FARSB: variants seen among roughly 807,000 people sequenced by gnomAD.
FARSB encodes the protein phenylalanine--tRNA ligase beta subunit.
In FARSB, 40 loss-of-function variants were observed where a neutral mutation model predicts 69.6. The observed-to-expected ratio is 0.57, with a 90% CI of 0.45 to 0.75. The LOEUF is 0.75. Among genes scored for constraint, FARSB ranks in the 30% least tolerant of loss-of-function variants. FARSB has a pLI of 0.00. For synonymous variants in FARSB, 235 were observed against 247.2 expected, an observed-to-expected ratio of 0.95 and a Z score of 0.46; for missense variants, 632 against 722.9, an observed-to-expected ratio of 0.87 and a Z score of 1.44.
intron 16 of FARSB, among the ~76,000 whole-genome samples, chr2:222,585,761 A>C (rs185418464): frequency 1.1e-3 from 172 of 151,798 alleles, no homozygotes; most frequent in Non-Finnish European, 1.8e-3. Flanking sequence ...AAGGGGAAGA[A>C]AGGTGACTGA....
At chr2:222,636,385 C>CAAAA (rs34295305) in intron 5 of FARSB, among the ~76,000 whole-genome samples, 5 of 96,676 alleles carry the variant, frequency 5.2e-5, no homozygotes, top group East Asian at 3.8e-4. Flanking sequence ...GACTCTATCT[C>CAAAA]AAAAAAAAAA....
intron 15 of FARSB, among the ~76,000 whole-genome samples, chr2:222,603,031 C>T (rs1289088051): frequency 3.3e-5 from 5 of 151,798 alleles, no homozygotes; most frequent in African/African-American, 7.3e-5. Context: ...TAACAAAACT[C>T]ATTTTTAAAA....
intron 16 of FARSB, among the ~76,000 whole-genome samples, chr2:222,575,029 T>A (rs767562051): frequency 1.1e-4 from 16 of 152,294 alleles, no homozygotes; most frequent in Middle Eastern, 3.4e-3. Flanking sequence ...CAGAAGGGAA[T>A]TGCTTCAAAG....
chr2:222,653,464 C>T (rs1334325541), intron 1 of FARSB, among the ~76,000 whole-genome samples: 1 of 151,806 alleles, frequency 6.6e-6, no homozygotes, highest in Non-Finnish European at 1.5e-5. Context: ...AAGATGTATC[C>T]ATACTACTTG....
At chr2:222,616,478 C>T (rs1363569788) in intron 14 of FARSB, among the ~76,000 whole-genome samples, 1 of 130,024 alleles carries the variant, frequency 7.7e-6, no homozygotes, top group African/African-American at 3.0e-5. Context: ...ACCCAGAAGG[C>T]GGAAGTTGCA....
chr2:222,613,599 C>T (rs536597378), intron 15 of FARSB, among the ~76,000 whole-genome samples: 1 of 152,184 alleles, frequency 6.6e-6, no homozygotes, highest in Non-Finnish European at 1.5e-5. Context: ...TGAAATGATA[C>T]AATGTCTATG....
intron 16 of FARSB, among the ~76,000 whole-genome samples, chr2:222,595,849 CTT>C (rs1163896068): frequency 6.6e-6 from 1 of 151,436 alleles, no homozygotes; most frequent in Non-Finnish European, 1.5e-5. Flanking sequence ...ATAGATGCCT[CTT>C]AACATACATA....
intron 16 of FARSB, among the ~76,000 whole-genome samples, chr2:222,583,827 G>A (rs1690036244): frequency 6.6e-6 from 1 of 151,972 alleles, no homozygotes; most frequent in Non-Finnish European, 1.5e-5. Flanking sequence ...TTTTTAAGAG[G>A]CATTTCCCCC....
chr2:222,615,046 T>A (rs1409677405), intron 14 of FARSB, among the ~76,000 whole-genome samples: 1 of 152,176 alleles, frequency 6.6e-6, no homozygotes, highest in East Asian at 1.9e-4. Context: ...AGAAAGCATG[T>A]ACAGTCATTT....
intron 3 of FARSB, 50 bp from the exon 4 acceptor site, chr2:222,640,981 T>A: frequency 1.1e-6 from 1 of 921,080 alleles, no homozygotes; most frequent in Non-Finnish European, 1.7e-6. Flanking sequence ...AGACATTATA[T>A]AAAATAATTA....
chr2:222,588,148 A>C (rs1482923896), intron 16 of FARSB, among the ~76,000 whole-genome samples: 1 of 152,212 alleles, frequency 6.6e-6, no homozygotes, highest in Non-Finnish European at 1.5e-5. Context: ...AGCATATCAA[A>C]AAGCTTATCC....
intron 3 of FARSB, among the ~76,000 whole-genome samples, chr2:222,642,003 CTTTT>C (rs5838958): frequency 1.6e-5 from 2 of 128,770 alleles, no homozygotes; most frequent in Non-Finnish European, 3.4e-5. Context: ...TATCCTCTAT[CTTTT>C]TTTTTTTTTT....
At chr2:222,580,427 G>A (rs1689937020) in intron 16 of FARSB, among the ~76,000 whole-genome samples, 1 of 151,860 alleles carries the variant, frequency 6.6e-6, no homozygotes, top group South Asian at 2.1e-4. Flanking sequence ...TTGGGAGGCT[G>A]AGGCAGGAAG....
At chr2:222,576,453 TATC>T (rs759396270) in intron 16 of FARSB, among the ~76,000 whole-genome samples, 4 of 152,060 alleles carry the variant, frequency 2.6e-5, no homozygotes, top group Non-Finnish European at 5.9e-5. Flanking sequence ...CAACAGAAAC[TATC>T]ATCATGAGTT....
Position 222,624,304 on chromosome 2 carries a change from T to A in FARSB, c.1138A>T (p.Thr380Ser), listed in dbSNP as rs1412405521. The change falls in exon 12 of 17, where the codon ACT (threonine) becomes TCT (serine). Residue 380 changes from threonine to serine, a missense_variant. Transcript: ENST00000281828. Reference sequence around the variant, plus strand: ...GCTATGGTGTAAGTTTTCGGGAGAGTCATCTGAATGTTGTTATATCCATAA... The same window carrying A: ...GCTATGGTGTAAGTTTTCGGGAGAGACATCTGAATGTTGTTATATCCATAA... ...IAYGYNNIQMTLPKTYTIANQ... is the reference protein window; with the variant it reads ...IAYGYNNIQMSLPKTYTIANQ... 23 of 1,611,694 alleles carry A rather than the reference T, an allele frequency of 1.4e-5. No individual in the cohort carries two copies. The highest frequency in any genetic ancestry group is 1.9e-5 in the Non-Finnish European group (22 of 1,178,806).
intron 10 of FARSB, among the ~76,000 whole-genome samples, chr2:222,626,724 C>T (rs931809368): frequency 6.6e-6 from 1 of 152,062 alleles, no homozygotes; most frequent in African/African-American, 2.4e-5. Flanking sequence ...CTTTTATTAA[C>T]ACTTGACAAA....
chr2:222,619,497 A>G lies in FARSB; in HGVS notation c.1344+148T>C, dbSNP rs140436432. 1.0e-3 allele frequency: 558 copies of G among 559,032 alleles called. 1 individual carries two copies. Among genetic ancestry groups the G allele is most frequent in the African/African-American group, 9.4e-3 (502 of 53,608 alleles). 34.6% of individuals were successfully genotyped at this position (559,032 alleles called of 1,614,324 possible). On this transcript the variant is annotated intron_variant, in intron 14 of 16. Coordinates refer to ENST00000281828, the MANE Select transcript of FARSB (RefSeq NM_005687.5). The stretch of plus-strand genomic sequence containing the variant: ...AAGAATTTTTGGCAGCAAAGCACGT[A>G]ATAACCAACTATAAACTTACCCAAG...
intron 15 of FARSB, among the ~76,000 whole-genome samples, chr2:222,600,552 A>G (rs1690532705): frequency 6.6e-6 from 1 of 152,230 alleles, no homozygotes; most frequent in Admixed American, 6.5e-5. Context: ...GTACAGTGCA[A>G]TCACTCATCA....
chr2:222,598,578 G>A (rs1453985328), intron 16 of FARSB, among the ~76,000 whole-genome samples: 2 of 152,174 alleles, frequency 1.3e-5, no homozygotes, highest in African/African-American at 4.8e-5. Flanking sequence ...TGCATGGAAG[G>A]AAAAGAAATG....
Sources: gnomAD v4.1 joint callset for allele counts (sites outside exome capture counted in the v4.1 genomes callset) on GRCh38, gnomAD v4.1.1 for gene constraint, MANE v1.5 for transcripts, NCBI Gene and HGNC (gene_info 2026-07-23, HGNC 2026-07-21) for gene names.